Variants in EHBP1 observed in about 807,000 individuals in gnomAD.
EHBP1 encodes EH domain binding protein 1, also known as EH domain-binding protein 1.
Under a neutral mutation model 144.0 loss-of-function variants are expected in EHBP1, and 55 were observed. The ratio of observed to expected loss-of-function variants is 0.38; its 90% CI spans 0.31 to 0.48. The LOEUF is 0.48. Ranked by LOEUF, EHBP1 falls within the 20% of genes least tolerant of loss-of-function variation. The pLI is 0.98. For synonymous variants in EHBP1, 469 were observed against 472.7 expected (o/e 0.99, Z 0.10); for missense variants, 1,200 against 1,364.2 (o/e 0.88, Z 1.90).
intron 21 of EHBP1, among the ~76,000 whole-genome samples, chr2:63,041,827 C>G (rs2153372736): frequency 6.6e-6 from 1 of 152,176 alleles, no homozygotes; most frequent in Middle Eastern, 3.4e-3. Flanking sequence ...CATCAAAGTG[C>G]CAGGCTTATT....
intron 10 of EHBP1, among the ~76,000 whole-genome samples, chr2:62,916,007 G>A (rs2054585979): frequency 6.6e-6 from 1 of 152,144 alleles, no homozygotes; most frequent in African/African-American, 2.4e-5. Context: ...ATTCTAGGTA[G>A]ATGAAAGCAT....
chr2:62,723,138 CGAA>C (rs938562415), intron 2 of EHBP1, among the ~76,000 whole-genome samples: 1 of 152,120 alleles, frequency 6.6e-6, no homozygotes, highest in Non-Finnish European at 1.5e-5. Context: ...TTGAAGGTCT[CGAA>C]GAAATTGCTT....
chr2:62,779,082 C>T (rs2042246788), intron 5 of EHBP1, among the ~76,000 whole-genome samples: 1 of 152,146 alleles, frequency 6.6e-6, no homozygotes, highest in African/African-American at 2.4e-5. Flanking sequence ...TAGCAGTACC[C>T]CTCTTCCACC....
chr2:63,011,470 A>T (rs1218753775), intron 19 of EHBP1, among the ~76,000 whole-genome samples: 1 of 151,948 alleles, frequency 6.6e-6, no homozygotes, highest in African/African-American at 2.4e-5. Context: ...CTTTGACAGT[A>T]TTATAAATCC....
At chr2:63,006,893 T>C (rs1226013952) in intron 19 of EHBP1, among the ~76,000 whole-genome samples, 9 of 151,862 alleles carry the variant, frequency 5.9e-5, no homozygotes, top group African/African-American at 1.7e-4. Flanking sequence ...TGTCTGTTCA[T>C]AAGTCAAACT....
At position 62,917,076 on chromosome 2, in the gene EHBP1, G is replaced by T. The variant is rs533368313; in HGVS notation, c.1186-25642G>T. Among the ~76,000 whole-genome samples, 22 of 152,216 alleles carry T rather than the reference G, an allele frequency of 1.4e-4. No homozygotes were observed. In the South Asian group the frequency reaches 2.9e-3, roughly 20 times the overall value. On this transcript the variant is annotated intron_variant, in intron 10 of 22. Transcript: ENST00000431489. ...CTTAGAGCACATTTACACAAAGCTA[G>T]ATGGTGTAGTGTACTACACGACTAG...
chr2:62,710,523 T>A (rs766639409), intron 2 of EHBP1, among the ~76,000 whole-genome samples: 18 of 150,926 alleles, frequency 1.2e-4, no homozygotes, highest in Non-Finnish European at 2.4e-4. Flanking sequence ...AATATAATTT[T>A]AATTATAATT....
In EHBP1 at chr2:62,754,186, T is replaced by C. The variant is rs187003049; in HGVS notation, c.162+6734T>C. Among the ~76,000 whole-genome samples, 692 of 152,304 alleles carry C rather than the reference T, an allele frequency of 4.5e-3. 2 individuals are homozygous for C. The highest frequency in any genetic ancestry group is 4.6e-3 in the Non-Finnish European group (315 of 68,018). On this transcript the variant is annotated intron_variant, in intron 3 of 22. Transcript: ENST00000431489. Reference sequence around the variant, plus strand: ...ATGGGGTTTTGTTGTGGATGTCCTTTCTGTTTGTTAGTTTCCCATCTAACA... The same window carrying C: ...ATGGGGTTTTGTTGTGGATGTCCTTCCTGTTTGTTAGTTTCCCATCTAACA...
chr2:62,784,691 G>T (rs958110943), intron 5 of EHBP1, among the ~76,000 whole-genome samples: 1 of 152,116 alleles, frequency 6.6e-6, no homozygotes, highest in Non-Finnish European at 1.5e-5. Context: ...CTTGGTAAAG[G>T]CACAGAGATA....
chr2:62,739,706 G>C (rs902937962), intron 2 of EHBP1, among the ~76,000 whole-genome samples: 2 of 151,992 alleles, frequency 1.3e-5, no homozygotes, highest in Non-Finnish European at 2.9e-5. Context: ...ACTTTGGGAG[G>C]CTGAGGCAGG....
At position 62,809,293 on chromosome 2, in the gene EHBP1, A is replaced by G. The variant is rs1005681028; in HGVS notation, c.313-16794A>G. ...GCAACAGAGTGAGACTATGTCTCAGAAAAAAAAAAAAAAAAAAAAAAACAA... is the reference window on the plus strand; with the variant it reads ...GCAACAGAGTGAGACTATGTCTCAGGAAAAAAAAAAAAAAAAAAAAAACAA... On this transcript the variant is annotated intron_variant, in intron 5 of 22. Coordinates refer to ENST00000431489, the MANE Select transcript of EHBP1 (RefSeq NM_001142616.3). 6.1e-4 allele frequency among the ~76,000 whole-genome samples: 61 copies of G among 99,264 alleles called. 1 individual carries two copies. The East Asian group carries it at 9.6e-3, about 16-fold the overall frequency. The allele number at this position is 99,264 out of a possible 152,430, so 65.1% of individuals were successfully genotyped here.
chr2:63,045,200 G>C lies in EHBP1; in HGVS notation c.3392+20G>C. On this transcript the variant is annotated intron_variant, in intron 22 of 22. Coordinates refer to ENST00000431489, the MANE Select transcript of EHBP1 (RefSeq NM_001142616.3). The surrounding 1 kb of genome is among the most constrained non-coding windows in gnomAD (Gnocchi z 5.7). ...GAAGCAGTGAGTGGGCAGTGGGGTC[G>C]GGTCGAGGCTGGGCCACCTGCCGAG... 1.3e-6 allele frequency: 2 copies of C among 1,559,138 alleles called. No individual in the cohort carries two copies. The highest frequency in any genetic ancestry group is 1.7e-6 in the Non-Finnish European group (2 of 1,148,016).
chr2:62,762,307 G>A (rs779835089), intron 3 of EHBP1, among the ~76,000 whole-genome samples: 6 of 152,064 alleles, frequency 3.9e-5, no homozygotes, highest in Non-Finnish European at 8.8e-5. Flanking sequence ...GTTTTTCTCC[G>A]AGACTTAGTC....
chr2:62,806,801 CA>C (rs1028911594), intron 5 of EHBP1, among the ~76,000 whole-genome samples: 51 of 152,038 alleles, frequency 3.4e-4, no homozygotes, highest in Non-Finnish European at 1.5e-5. Context: ...AATCCAAGCC[CA>C]CTTTCAAATA....
At chr2:62,864,548 T>A (rs192982233) in intron 8 of EHBP1, among the ~76,000 whole-genome samples, 183 bp from the exon 9 acceptor site, 1 of 152,322 alleles carries the variant, frequency 6.6e-6, no homozygotes, top group Non-Finnish European at 1.5e-5. Flanking sequence ...AGATATCACA[T>A]CTTCTGAACA....
rs2061947214 is a variant in EHBP1 at position 63,046,126 on chromosome 2, T to C, written c.*626T>C. 1.3e-5 allele frequency: 2 copies of C among 152,776 alleles called. No individual in the cohort carries two copies. Among genetic ancestry groups the C allele is most frequent in the East Asian group, 3.8e-4 (2 of 5,202 alleles). The allele number at this position is 152,776 out of a possible 1,614,324, so 9.5% of individuals were successfully genotyped here. ...TTCCTCAGAGGATGGTCCTTTAACATAGCCAGAAACAAGCCCTGTGGTTTG... is the reference window on the plus strand; with the variant it reads ...TTCCTCAGAGGATGGTCCTTTAACACAGCCAGAAACAAGCCCTGTGGTTTG... On this transcript the variant is annotated 3_prime_UTR_variant, in exon 23 of 23. Transcript: ENST00000431489.
upstream of EHBP1, among the ~76,000 whole-genome samples, chr2:62,703,117 T>C (rs1240698259): frequency 1.3e-5 from 2 of 152,004 alleles, no homozygotes; most frequent in African/African-American, 4.8e-5. Flanking sequence ...TCACTTGACC[T>C]CAGGAGTTCA....
intron 5 of EHBP1, among the ~76,000 whole-genome samples, chr2:62,799,668 G>A (rs1271810356): frequency 6.6e-6 from 1 of 152,064 alleles, no homozygotes; most frequent in East Asian, 1.9e-4. Flanking sequence ...ATGAAGTTGG[G>A]GCATCAGTAT....
rs1235546185 is a variant in EHBP1, at chr2:62,705,729, C to CGG, written c.-615_-614dup. 7.8e-6 allele frequency: 1 copy of CGG among 128,008 alleles called. No individual in the cohort carries two copies. Among genetic ancestry groups the CGG allele is most frequent in the African/African-American group, 3.0e-5 (1 of 33,748 alleles). 7.9% of individuals were successfully genotyped at this position (128,008 alleles called of 1,614,324 possible). A position where few individuals can be genotyped will look rare whatever the true frequency, so the allele number is the denominator to read the frequency against. ...GGTAGGGTTAGTGTGAGAGGTGCGG[C>CGG]GGGGGAGGTAATGATGATGGTGGCG... is the stretch of plus-strand genomic sequence containing the variant. On this transcript the variant is annotated 5_prime_UTR_variant, in exon 1 of 23. Coordinates refer to ENST00000431489, the MANE Select transcript of EHBP1 (RefSeq NM_001142616.3).
Sources: gnomAD v4.1 joint callset for allele counts (sites outside exome capture counted in the v4.1 genomes callset) on GRCh38, gnomAD v4.1.1 for gene constraint, Gnocchi (gnomAD v3.1) non-coding constraint, MANE v1.5 for transcripts, NCBI Gene and HGNC (gene_info 2026-07-23, HGNC 2026-07-21) for gene names.